Variants in ASIC2 observed in about 807,000 individuals in gnomAD.
The protein encoded by ASIC2 is acid sensing ion channel subunit 2.
In ASIC2, 25 loss-of-function variants were observed where a neutral mutation model predicts 57.3. The observed-to-expected ratio is 0.44, with a 90% confidence interval of 0.32 to 0.61. The LOEUF (loss-of-function observed/expected upper bound fraction) is 0.61, where lower values mean the gene tolerates loss of function less well. ASIC2 is among the 20% of genes least tolerant of loss of function. The pLI is 0.06. For missense variants in ASIC2, 641 were observed against 738.1 expected (o/e 0.87, Z 1.52); for synonymous variants, 319 against 307.5 (o/e 1.04, Z -0.39).
At chr17:33,838,679 G>A (rs1030834859) in intron 1 of ASIC2, among the ~76,000 whole-genome samples, 4 of 152,094 alleles carry the variant, frequency 2.6e-5, no homozygotes, top group African/African-American at 9.7e-5. Flanking sequence ...TAGATAACTG[G>A]AGTGCTAGCA....
intron 1 of ASIC2, among the ~76,000 whole-genome samples, chr17:33,842,790 GAGA>G (rs1181792064): frequency 6.6e-6 from 1 of 152,198 alleles, no homozygotes; most frequent in East Asian, 1.9e-4. Context: ...ACATTCAGAG[GAGA>G]AGAAGGATGG....
intron 1 of ASIC2, among the ~76,000 whole-genome samples, chr17:33,122,327 A>G (rs1485436807): frequency 6.6e-6 from 1 of 152,152 alleles, no homozygotes; most frequent in Admixed American, 6.5e-5. Context: ...GGTGGAGCAC[A>G]TCTTAGTCTA....
At chr17:33,050,784 G>T (rs1282255005) in intron 3 of ASIC2, among the ~76,000 whole-genome samples, 5 of 152,092 alleles carry the variant, frequency 3.3e-5, no homozygotes, top group Admixed American at 2.0e-4. Context: ...CTCCTGCTTG[G>T]TGGTGGGGAG....
intron 1 of ASIC2, among the ~76,000 whole-genome samples, chr17:34,101,885 T>C (rs951512267): frequency 2.0e-5 from 3 of 152,222 alleles, no homozygotes; most frequent in South Asian, 2.1e-4. Flanking sequence ...ATTGTCGACA[T>C]TCAGCCATTC....
chr17:33,644,131 G>C (rs1414817988), intron 1 of ASIC2, among the ~76,000 whole-genome samples: 1 of 152,160 alleles, frequency 6.6e-6, no homozygotes, highest in Admixed American at 6.5e-5. Flanking sequence ...CTCGTTGTGT[G>C]TCTTATCTCA....
chr17:33,362,923 A>G (rs1001361286), intron 1 of ASIC2, among the ~76,000 whole-genome samples: 2 of 152,248 alleles, frequency 1.3e-5, no homozygotes. Context: ...TGCCCATCTT[A>G]CACAAATAAA....
rs113200239 is a variant in ASIC2, at chr17:34,150,176, A to G, written c.555+5802T>C. ...CTGCATGATCTCACTTCTATGTGGA[A>G]TCTTAGAAAGTCAAACTCATAGAAA... On this transcript the variant is annotated intron_variant, in intron 1 of 9. Coordinates refer to the ASIC2 transcript ENST00000359872. Among the ~76,000 whole-genome samples the G allele has an allele frequency of 2.4e-3, 373 of 152,346 alleles. 5 individuals carry two copies. Among genetic ancestry groups the G allele is most frequent in the African/African-American group, 8.6e-3 (356 of 41,576 alleles).
intron 1 of ASIC2, among the ~76,000 whole-genome samples, chr17:33,457,549 A>AT (rs752121118): frequency 5.8e-5 from 6 of 103,874 alleles, no homozygotes; most frequent in Non-Finnish European, 1.3e-4. Context: ...AAGGCCAGGC[A>AT]TAAAAATGAA....
At chr17:34,026,942 A>G (rs1328347849) in intron 1 of ASIC2, among the ~76,000 whole-genome samples, 3 of 152,214 alleles carry the variant, frequency 2.0e-5, no homozygotes, top group Admixed American at 2.0e-4. Flanking sequence ...TTTTCTCATA[A>G]AATCAAAGCA....
chr17:33,434,303 T>A (rs1252430568), intron 1 of ASIC2, among the ~76,000 whole-genome samples: 2 of 152,062 alleles, frequency 1.3e-5, no homozygotes, highest in African/African-American at 4.8e-5. Context: ...AAGGCTTTCC[T>A]GAAATAATGA....
At chr17:33,983,640 C>T (rs530261518) in intron 1 of ASIC2, among the ~76,000 whole-genome samples, 16 of 152,280 alleles carry the variant, frequency 1.1e-4, no homozygotes, top group African/African-American at 1.9e-4. Flanking sequence ...GGAAGTTAGG[C>T]GTGCAAATTC....
At chr17:34,104,742 T>A (rs1421828952) in intron 1 of ASIC2, among the ~76,000 whole-genome samples, 2 of 152,114 alleles carry the variant, frequency 1.3e-5, no homozygotes, top group Non-Finnish European at 2.9e-5. Flanking sequence ...TTAACTTTAA[T>A]ATATTAATTA....
intron 1 of ASIC2, among the ~76,000 whole-genome samples, chr17:33,633,468 C>T (rs1906242686): frequency 6.6e-6 from 1 of 152,164 alleles, no homozygotes; most frequent in Non-Finnish European, 1.5e-5. Context: ...AGCTTGGGTG[C>T]CCCAAACTTG....
intron 1 of ASIC2, among the ~76,000 whole-genome samples, chr17:33,175,025 C>T (rs991169278): frequency 1.3e-5 from 2 of 152,114 alleles, no homozygotes; most frequent in Non-Finnish European, 2.9e-5. Context: ...AATTTAAAAC[C>T]CTGAGCAATT....
intron 1 of ASIC2, among the ~76,000 whole-genome samples, chr17:33,382,725 A>G (rs1331769439): frequency 6.6e-6 from 1 of 152,226 alleles, no homozygotes; most frequent in Non-Finnish European, 1.5e-5. Context: ...AGATTTCACA[A>G]CTAGTAAGTT....
intron 1 of ASIC2, among the ~76,000 whole-genome samples, chr17:33,674,798 C>G (rs991680218): frequency 6.6e-6 from 1 of 152,162 alleles, no homozygotes; most frequent in Non-Finnish European, 1.5e-5. Flanking sequence ...CTGCTCTCTG[C>G]CGGCCGAATG....
rs182151772 is a variant in ASIC2 at position 33,014,219 on chromosome 17, G to A, written c.1591-153C>T. ...CTGATAGGCTAGTTTACCATCTTGG[G>A]GGCATGAGGCTGAATGGAATCCTTA... is the stretch of plus-strand genomic sequence containing the variant. On this transcript the variant is annotated intron_variant, in intron 9 of 9. Transcript: ENST00000225823. 3.3e-4 allele frequency among the ~76,000 whole-genome samples: 50 copies of A among 152,264 alleles called. 1 individual carries two copies. In the East Asian group the frequency reaches 8.7e-3, roughly 27 times the overall value.
intron 1 of ASIC2, among the ~76,000 whole-genome samples, chr17:33,999,920 C>T (rs1906279679): frequency 6.6e-6 from 1 of 152,034 alleles, no homozygotes; most frequent in East Asian, 1.9e-4. Context: ...CTTTCTTCAG[C>T]ATTTCTTGTA....
intron 1 of ASIC2, among the ~76,000 whole-genome samples, chr17:34,118,078 G>A (rs1290558894): frequency 2.6e-5 from 4 of 152,122 alleles, no homozygotes; most frequent in Non-Finnish European, 5.9e-5. Context: ...ATGTGTCATG[G>A]TAGTTAAGCA....
Sources: allele counts gnomAD v4.1 joint callset (sites outside exome capture counted in the v4.1 genomes callset), GRCh38; gene constraint gnomAD v4.1.1; transcripts MANE v1.5; gene names NCBI Gene and HGNC (gene_info 2026-07-23, HGNC 2026-07-21).